The following USP35 variants were observed in gnomAD, a reference collection of about 807,000 sequenced individuals.
USP35 encodes ubiquitin carboxyl-terminal hydrolase 35.
In USP35, 69 loss-of-function variants were observed where a neutral mutation model predicts 83.8. That is an observed-to-expected ratio of 0.82 (90% confidence interval 0.68 to 1.01). The LOEUF is 1.01. Among genes scored for constraint, USP35 ranks in the 50% least tolerant of loss-of-function variants. The pLI is 0.00. For synonymous variants in USP35, 714 were observed against 589.5 expected, an observed-to-expected ratio of 1.21 and a Z score of -3.06; for missense variants, 1,503 against 1,362.5, an observed-to-expected ratio of 1.10 and a Z score of -1.62.
chr11:78,213,072 A>G (rs1863858583), intron 10 of USP35, among the ~76,000 whole-genome samples: 1 of 152,136 alleles, frequency 6.6e-6, no homozygotes, highest in Admixed American at 6.5e-5. Flanking sequence ...GAATACAGCA[A>G]CTGGTGTGGG....
the USP35 span, chr11:78,221,670 G>C: frequency 6.3e-7 from 1 of 1,583,136 alleles, no homozygotes; most frequent in Non-Finnish European, 8.7e-7. Context: ...AAGCCCGAAG[G>C]ACTCACCATA....
chr11:78,189,085 C>T lies in USP35; in HGVS notation c.-83C>T, dbSNP rs1862918505. On this transcript the variant is annotated 5_prime_UTR_variant, in exon 1 of 11. Coordinates refer to ENST00000529308, the MANE Select transcript of USP35 (RefSeq NM_020798.4). ...AGCAGAGGACCAGCCCTGACCTAGC[C>T]GGGCCCAGCCTCGTCCTGCCCGGCC... 1.9e-6 allele frequency: 1 copy of T among 522,508 alleles called. No homozygotes were observed. Among genetic ancestry groups the T allele is most frequent in the Non-Finnish European group, 2.5e-6 (1 of 406,876 alleles). 32.4% of individuals were successfully genotyped at this position (522,508 alleles called of 1,614,324 possible).
In USP35 at chr11:78,209,781, G is replaced by T. The variant is rs1225573684; in HGVS notation, c.1926G>T (p.Arg642Ser). 1.9e-6 allele frequency: 3 copies of T among 1,613,958 alleles called. No individual in the cohort carries two copies. The highest frequency in any genetic ancestry group is 4.5e-5 in the East Asian group (2 of 44,870). Reference sequence around the variant, plus strand: ...GGCCAGGCAGGGTGGGTCCTCGGAGGCAAAGGAAACACTGCATCACAGAGG... The same window carrying T: ...GGCCAGGCAGGGTGGGTCCTCGGAGTCAAAGGAAACACTGCATCACAGAGG... ...AQGPGRVGPR[R>S]QRKHCITEDT... Residue 642 changes from arginine (R) to serine (S), a missense_variant, in exon 10 of 11, where the codon AGG becomes AGT. Coordinates refer to ENST00000529308, the MANE Select transcript of USP35 (RefSeq NM_020798.4).
At chr11:78,232,851 A>G in the USP35 span, among the ~76,000 whole-genome samples, 3 of 152,176 alleles carry the variant, frequency 2.0e-5, no homozygotes, top group Non-Finnish European at 4.4e-5. Context: ...GATTCACTTT[A>G]TACCCCCTAC....
the USP35 span, chr11:78,222,090 C>A: frequency 1.3e-6 from 2 of 1,558,140 alleles, no homozygotes; most frequent in Non-Finnish European, 1.8e-6. Flanking sequence ...CCCACCCCCA[C>A]ACATACGCAC....
At position 78,214,377 on chromosome 11, in the gene USP35, T is replaced by TCG. The variant is rs139748612; in HGVS notation, c.*564_*565insCG. The TCG allele has an allele frequency of 9.3e-4, 49 of 52,900 alleles. 2 individuals are homozygous for TCG. Among genetic ancestry groups the TCG allele is most frequent in the African/African-American group, 3.0e-3 (49 of 16,092 alleles). The allele number at this position is 52,900 out of a possible 1,614,324, so 3.3% of individuals were successfully genotyped here. The stretch of plus-strand genomic sequence containing the variant: ...CCTTACCAAGCGCCACTGCATGGTT[T>TCG]TGGGGGGGGGGGCGGGGGGCTAGCT... On this transcript the variant is annotated 3_prime_UTR_variant, in exon 11 of 11. Transcript: ENST00000529308.
At chr11:78,237,089 A>G in the USP35 span, among the ~76,000 whole-genome samples, 21 of 152,236 alleles carry the variant, frequency 1.4e-4, no homozygotes, top group African/African-American at 4.1e-4. Context: ...CCCTCCTCCT[A>G]TGTTTTCTGA....
chr11:78,228,947 T>A, the USP35 span, among the ~76,000 whole-genome samples: 2 of 152,244 alleles, frequency 1.3e-5, no homozygotes, highest in Non-Finnish European at 2.9e-5. Context: ...TGCTCCCATC[T>A]GGATTTGTTC....
intron 2 of USP35, 130 bp downstream of exon 2, chr11:78,197,048 T>A (rs992032407): frequency 3.7e-5 from 50 of 1,357,202 alleles, no homozygotes; most frequent in Non-Finnish European, 3.9e-5. Context: ...CGGCGAATGC[T>A]CAGGTGGAGG....
At chr11:78,202,738 C>T (rs992318899) in intron 6 of USP35, among the ~76,000 whole-genome samples, 2 of 152,188 alleles carry the variant, frequency 1.3e-5, no homozygotes, top group African/African-American at 2.4e-5. Flanking sequence ...AGGTCATGAG[C>T]CCCCGACAGT....
At position 78,203,767 on chromosome 11, in the gene USP35, A is replaced by G. The variant is rs185577046; in HGVS notation, c.1198-2075A>G. On this transcript the variant is annotated intron_variant, in intron 6 of 10. Coordinates refer to ENST00000529308, the MANE Select transcript of USP35 (RefSeq NM_020798.4). The stretch of plus-strand genomic sequence containing the variant: ...CTAATTTTTCGTATTTTTAGTAGAG[A>G]TGGGGTTTCACTGTGTTAGCCAGGA... Among the ~76,000 whole-genome samples, 640 of 149,776 alleles carry G rather than the reference A, an allele frequency of 4.3e-3. 12 individuals carry two copies. In the East Asian group the frequency reaches 0.076, roughly 18 times the overall value.
Position 78,199,653 on chromosome 11 carries a change from C to G in USP35, c.865C>G (p.Leu289Val). ...GAATATTGACAAGTGGATCATTGCA[C>G]TGCTGAAGGGCCTGGCTGCTGTTAA... ...GKNIDKWIIA[L>V]LKGLAAVKKF... Residue 289 changes from leucine to valine, a missense_variant, in exon 4 of 11, where the codon CTG (leucine) becomes GTG (valine). By Grantham distance (32) the Leu-to-Val change is conservative (BLOSUM62 1). Transcript: ENST00000529308. The G allele has an allele frequency of 6.2e-7, 1 of 1,614,152 alleles. No individual in the cohort carries two copies. The highest frequency in any genetic ancestry group is 8.5e-7 in the Non-Finnish European group (1 of 1,180,010).
chr11:78,211,354 T>C (rs1232839461), intron 10 of USP35, among the ~76,000 whole-genome samples: 1 of 152,200 alleles, frequency 6.6e-6, no homozygotes, highest in East Asian at 1.9e-4. Flanking sequence ...AGTCTATCAT[T>C]GATGGGCATT....
rs1863158569 is a variant in USP35 at position 78,196,701 on chromosome 11, G to C, written c.456G>C (p.Pro152=). ...TGGCACGGCTGCTGGCTCGCCACCC[G>C]CGCTGTGTGCCCGACGGACCCCACC... ...AQVARLLARH[P]RCVPDGPHRL... is the part of the protein sequence containing the mutation. Residue 152 remains proline (P), a synonymous_variant, in exon 2 of 11, where the codon CCG becomes CCC. Transcript: ENST00000529308. The surrounding 1 kb of genome is among the most constrained non-coding windows in gnomAD (Gnocchi z 4.8). 1 of 1,523,060 alleles carries C rather than the reference G, an allele frequency of 6.6e-7. No homozygotes were observed. Among genetic ancestry groups the C allele is most frequent in the Non-Finnish European group, 8.8e-7 (1 of 1,141,570 alleles). 94.3% of individuals were successfully genotyped at this position (1,523,060 alleles called of 1,614,324 possible).
chr11:78,222,536 TTAATA>T, the USP35 span, among the ~76,000 whole-genome samples: 1 of 148,184 alleles, frequency 6.7e-6, no homozygotes, highest in Admixed American at 6.8e-5. Context: ...TATTTATATA[TTAATA>T]TATTAATATT....
chr11:78,207,575 C>T lies in USP35; in HGVS notation c.1437C>T (p.Pro479=). ...VLRLTENNSQ[P]LMTKLQWLFG... ...GCTTGACTGAGAACAACTCACAGCC[C>T]CTGATGACCAAGCTGCAGTGGCTCT... The change falls in exon 8 of 11, where the codon CCC becomes CCT. Residue 479 remains proline, a synonymous_variant. Transcript: ENST00000529308. 3 of 1,614,164 alleles carry T rather than the reference C, an allele frequency of 1.9e-6. No individual in the cohort carries two copies. Among genetic ancestry groups the T allele is most frequent in the Non-Finnish European group, 2.5e-6 (3 of 1,180,012 alleles).
At chr11:78,224,790 G>A in the USP35 span, among the ~76,000 whole-genome samples, 2 of 152,052 alleles carry the variant, frequency 1.3e-5, no homozygotes, top group Admixed American at 6.5e-5. Context: ...GTGAGGCCAC[G>A]TGGGTAAGGT....
intron 6 of USP35, among the ~76,000 whole-genome samples, chr11:78,202,742 CGA>C (rs1863394209): frequency 1.3e-5 from 2 of 152,280 alleles, no homozygotes; most frequent in South Asian, 4.1e-4. Context: ...CATGAGCCCC[CGA>C]CAGTGGAGGT....
downstream of USP35, chr11:78,216,957 G>A (rs1429429444): frequency 6.6e-6 from 1 of 152,266 alleles, no homozygotes; most frequent in Non-Finnish European, 1.5e-5. Flanking sequence ...CTACACTTCT[G>A]AGTGGCTGGA....
Sources: gnomAD v4.1 joint callset for allele counts (sites outside exome capture counted in the v4.1 genomes callset) on GRCh38, gnomAD v4.1.1 for gene constraint, Gnocchi (gnomAD v3.1) non-coding constraint, MANE v1.5 for transcripts, NCBI Gene and HGNC (gene_info 2026-07-23, HGNC 2026-07-21) for gene names.